Variants in NAXD observed in about 807,000 individuals in gnomAD.
The protein encoded by NAXD is NAD(P)HX dehydratase, also known as ATP-dependent (S)-NAD(P)H-hydrate dehydratase.
Under a neutral mutation model 35.8 loss-of-function variants are expected in NAXD, and 22 were observed. The ratio of observed to expected loss-of-function variants is 0.62; its 90% CI spans 0.44 to 0.88. The LOEUF is 0.88. Ranked by LOEUF, NAXD falls within the 40% of genes least tolerant of loss-of-function variation. NAXD has a pLI of 0.00. For missense variants in NAXD, 428 were observed against 437.7 expected, an observed-to-expected ratio of 0.98 and a Z score of 0.20; for synonymous variants, 189 against 177.6, an observed-to-expected ratio of 1.06 and a Z score of -0.51.
intron 5 of NAXD, among the ~76,000 whole-genome samples, chr13:110,631,045 G>A (rs570746094): frequency 6.6e-6 from 1 of 152,308 alleles, no homozygotes; most frequent in South Asian, 2.1e-4. Flanking sequence ...CGCAACTTTG[G>A]TAGGGATGAT....
chr13:110,625,450 A>C lies in NAXD; in HGVS notation c.332+172A>C, dbSNP rs1272431260. ...GAGCCCGTTCTTCTGGGGTCAGAAT[A>C]AGACAGAGACGGCGGGGTGGAGAGG... On this transcript the variant is annotated intron_variant, in intron 4 of 9. Transcript: ENST00000680254. 1.3e-5 allele frequency among the ~76,000 whole-genome samples: 2 copies of C among 152,232 alleles called. 1 individual carries two copies. Among genetic ancestry groups the C allele is most frequent in the Non-Finnish European group, 2.9e-5 (2 of 68,034 alleles).
rs1247349523 is a variant in NAXD, at chr13:110,635,545, G to A, written c.675G>A (p.Val225=). 6.2e-7 allele frequency: 1 copy of A among 1,614,050 alleles called. No individual in the cohort carries two copies. Among genetic ancestry groups the A allele is most frequent in the African/African-American group, 1.3e-5 (1 of 74,942 alleles). Residue 225 remains valine (V), a synonymous_variant, in exon 8 of 10, where the codon GTG becomes GTA. Coordinates refer to ENST00000680254, the MANE Select transcript of NAXD (RefSeq NM_001242882.2). Reference sequence around the variant, plus strand: ...GCCAAGCCCTGGGCAACGTGACGGTGGTCCAGAAAGGAGAGCGCGACATCC... The same window carrying A: ...GCCAAGCCCTGGGCAACGTGACGGTAGTCCAGAAAGGAGAGCGCGACATCC... ...RLSQALGNVT[V]VQKGERDILS...
rs753399080 is a variant in NAXD at position 110,625,228 on chromosome 13, C to T, written c.282C>T (p.Ala94=). The T allele has an allele frequency of 2.9e-5, 47 of 1,613,812 alleles. No homozygotes were observed. Among genetic ancestry groups the T allele is most frequent in the South Asian group, 4.4e-5 (4 of 91,088 alleles). Residue 94 remains alanine (A), a synonymous_variant, in exon 4 of 10, where the codon GCC becomes GCT. Transcript: ENST00000680254. ...CCCACGTGTTCTGTGCCAGTGCGGC[C>T]GCACCTGTGATTAAGGCCTACAGCC... The part of the protein sequence containing the change: ...DLSHVFCASA[A]APVIKAYSPE...
At chr13:110,621,591 G>A (rs1465555011) in intron 1 of NAXD, among the ~76,000 whole-genome samples, 1 of 152,202 alleles carries the variant, frequency 6.6e-6, no homozygotes, top group Non-Finnish European at 1.5e-5. Flanking sequence ...AGATACTCCG[G>A]AGGCTGAGGC....
intron 1 of NAXD, chr13:110,616,022 G>C (rs912522656): frequency 2.6e-6 from 1 of 384,124 alleles, no homozygotes; most frequent in African/African-American, 2.1e-5. Flanking sequence ...CGGAGCCCGC[G>C]CGGTGGCCGG....
chr13:110,627,518 A>G lies in NAXD; in HGVS notation c.412A>G (p.Arg138Gly). The G allele has an allele frequency of 6.2e-7, 1 of 1,613,136 alleles. No individual in the cohort carries two copies. Among genetic ancestry groups the G allele is most frequent in the Non-Finnish European group, 8.5e-7 (1 of 1,179,112 alleles). The change falls in exon 5 of 10, where the codon AGA (arginine) becomes GGA (glycine). Residue 138 changes from arginine (R) to glycine (G), a missense_variant. Coordinates refer to ENST00000680254, the MANE Select transcript of NAXD (RefSeq NM_001242882.2). The part of the protein sequence containing the change: ...HALVVGPGLG[R>G]DDALLRNVQG... ...TCTTGTCGTAGGACCTGGCTTGGGT[A>G]GAGATGATGCGCTTCTCAGAAATGT...
Position 110,635,489 on chromosome 13 carries a change from G to A in NAXD, c.619G>A (p.Asp207Asn). The A allele has an allele frequency of 6.2e-7, 1 of 1,614,106 alleles. No homozygotes were observed. Among genetic ancestry groups the A allele is most frequent in the African/African-American group, 1.3e-5 (1 of 75,064 alleles). The change falls in exon 8 of 10, where the codon GAT (aspartate) becomes AAT (asparagine). Residue 207 changes from aspartate to asparagine, a missense_variant. This residue lies in a region of NAXD where 209 missense variants were observed against 214.6 expected (regional missense o/e 0.97). Coordinates refer to ENST00000680254, the MANE Select transcript of NAXD (RefSeq NM_001242882.2). Reference protein sequence around the residue: ...DAVLRGPMDSDDSHGSVLRLS... With the variant: ...DAVLRGPMDSNDSHGSVLRLS... ...ATAGCTCAGAGGCCCTATGGACAGC[G>A]ATGACAGCCATGGATCTGTGCTAAG...
At chr13:110,637,395 C>T (rs1241786509) in intron 9 of NAXD, 146 bp downstream of exon 9, 6 of 995,728 alleles carry the variant, frequency 6.0e-6, no homozygotes, top group Non-Finnish European at 9.0e-6. Flanking sequence ...CAGACGAACC[C>T]TCTTGGCAGA....
At chr13:110,623,137 C>T (rs1320486551) in intron 2 of NAXD, among the ~76,000 whole-genome samples, 41 of 152,104 alleles carry the variant, frequency 2.7e-4, no homozygotes, top group Admixed American at 2.7e-3. Context: ...TGTTTTAATG[C>T]ATTTCTCTTA....
In NAXD at chr13:110,638,863, A is replaced by G; in HGVS notation, c.*335A>G. 1 of 424,934 alleles carries G rather than the reference A, an allele frequency of 2.4e-6. No individual in the cohort carries two copies. Among genetic ancestry groups the G allele is most frequent in the South Asian group, 2.0e-5 (1 of 50,474 alleles). 26.3% of individuals were successfully genotyped at this position (424,934 alleles called of 1,614,324 possible). ...CAACAGAGTTTCTCGGCCTGCTCCC[A>G]GATCGGCGAAGTTTCTACTTGTTAC... On this transcript the variant is annotated 3_prime_UTR_variant, in exon 10 of 10. Transcript: ENST00000680254. This position sits in a 1 kb window ranked among gnomAD's most constrained non-coding sequence, Gnocchi z 5.4.
chr13:110,633,749 A>G (rs1317345533), intron 5 of NAXD, among the ~76,000 whole-genome samples: 2 of 148,656 alleles, frequency 1.3e-5, no homozygotes, highest in African/African-American at 2.6e-5. Context: ...GTGTGTATCT[A>G]TACATGTAGT....
chr13:110,639,419 G>C lies in NAXD; in HGVS notation c.*891G>C, dbSNP rs541693407. 8.5e-5 allele frequency: 13 copies of C among 152,844 alleles called. No homozygotes were observed. Among genetic ancestry groups the C allele is most frequent in the African/African-American group, 1.9e-4 (8 of 41,586 alleles). 9.5% of individuals were successfully genotyped at this position (152,844 alleles called of 1,614,324 possible). Reference sequence around the variant, plus strand: ...CCTGGTGCAGTGATGGCGCTAAGGAGACCCGGGGAAAGACAGTATCGTGGT... The same window carrying C: ...CCTGGTGCAGTGATGGCGCTAAGGACACCCGGGGAAAGACAGTATCGTGGT... On this transcript the variant is annotated 3_prime_UTR_variant, in exon 10 of 10. Transcript: ENST00000680254.
chr13:110,623,072 TC>T (rs1159241538), intron 2 of NAXD, among the ~76,000 whole-genome samples: 2 of 152,172 alleles, frequency 1.3e-5, no homozygotes, highest in Non-Finnish European at 2.9e-5. Context: ...GAGCACCTGT[TC>T]CCTGCAGCCC....
In NAXD at chr13:110,628,944, G is replaced by GGCCGGGCGCGGTGGCTCACGCC. The variant is rs1566618316; in HGVS notation, c.441+1397_441+1398insGCCGGGCGCGGTGGCTCACGCC. Among the ~76,000 whole-genome samples the GGCCGGGCGCGGTGGCTCACGCC allele has an allele frequency of 7.9e-5, 12 of 151,886 alleles. No individual in the cohort carries two copies. The highest frequency in any genetic ancestry group is 2.7e-4 in the African/African-American group (11 of 41,126). On this transcript the variant is annotated intron_variant, in intron 5 of 9. Transcript: ENST00000680254. This position sits in a 1 kb window ranked among gnomAD's most constrained non-coding sequence, Gnocchi z 4.1. ...GTATCTTAAAAAACCACTGTACTGC[G>GGCCGGGCGCGGTGGCTCACGCC]TGGAAGTGTGAAAGGTGGGAAGTGA...
At chr13:110,633,422 T>G (rs962804012) in intron 5 of NAXD, among the ~76,000 whole-genome samples, 2 of 152,014 alleles carry the variant, frequency 1.3e-5, no homozygotes, top group South Asian at 4.1e-4. Context: ...CCTCCACACC[T>G]CCCTGCAAGC....
At chr13:110,621,039 G>A (rs1238788605) in intron 1 of NAXD, among the ~76,000 whole-genome samples, 1 of 152,200 alleles carries the variant, frequency 6.6e-6, no homozygotes, top group East Asian at 1.9e-4. Context: ...TTGAAGTGTA[G>A]CTGTTTAGAG....
At chr13:110,619,454 A>G (rs1267183506) in intron 1 of NAXD, among the ~76,000 whole-genome samples, 1 of 152,162 alleles carries the variant, frequency 6.6e-6, no homozygotes, top group Non-Finnish European at 1.5e-5. Context: ...ATTGATATAA[A>G]TGTTGATTTT....
chr13:110,637,866 T>G (rs1200781042), intron 9 of NAXD: 2 of 478,398 alleles, frequency 4.2e-6, no homozygotes, highest in African/African-American at 2.0e-5. Flanking sequence ...TGGCAGAGTC[T>G]GGGACCATCC....
At chr13:110,636,140 C>T (rs535129808) in intron 8 of NAXD, among the ~76,000 whole-genome samples, 6 of 152,352 alleles carry the variant, frequency 3.9e-5, no homozygotes, top group African/African-American at 1.4e-4. Flanking sequence ...AGGGCAGAGG[C>T]CGGGCCCAGC....
Sources: allele counts gnomAD v4.1 joint callset (sites outside exome capture counted in the v4.1 genomes callset), GRCh38; gene constraint gnomAD v4.1.1; regional missense constraint gnomAD v4.1.1; non-coding constraint Gnocchi (gnomAD v3.1); transcripts MANE v1.5; gene names NCBI Gene and HGNC (gene_info 2026-07-23, HGNC 2026-07-21).